The following ADAMTS16 variants were observed in gnomAD, a reference collection of about 807,000 sequenced individuals.
ADAMTS16 encodes the protein A disintegrin and metalloproteinase with thrombospondin motifs 16.
A neutral mutation model predicts 145.8 loss-of-function variants in ADAMTS16; 94 were observed. That is an observed-to-expected ratio of 0.64 (90% CI 0.55 to 0.77). ADAMTS16 has a LOEUF of 0.77. Ranked by LOEUF, ADAMTS16 falls within the 30% of genes least tolerant of loss-of-function variation. The probability of loss-of-function intolerance (pLI) is 0.00; values close to 1 mark genes in which losing one functional copy is unlikely to be tolerated. For synonymous variants in ADAMTS16, 659 were observed against 604.3 expected (o/e 1.09, Z -1.33); for missense variants, 1,585 against 1,591.5 (o/e 1.00, Z 0.07).
At chr5:5,271,471 G>A (rs1359737457) in intron 18 of ADAMTS16, among the ~76,000 whole-genome samples, 1 of 152,262 alleles carries the variant, frequency 6.6e-6, no homozygotes, top group Non-Finnish European at 1.5e-5. Context: ...GCAGCCTACG[G>A]CCCTCCCGCG....
intron 11 of ADAMTS16, 30 bp from the exon 12 acceptor site, chr5:5,232,338 A>G: frequency 6.2e-7 from 1 of 1,613,666 alleles, no homozygotes; most frequent in Non-Finnish European, 8.5e-7. Context: ...TGTGTGAGTC[A>G]AGTCAACTTA....
At chr5:5,142,951 G>A (rs550241419) in intron 2 of ADAMTS16, among the ~76,000 whole-genome samples, 1 of 152,136 alleles carries the variant, frequency 6.6e-6, no homozygotes, top group Non-Finnish European at 1.5e-5. Context: ...AACAAGCAAT[G>A]GGGAAAGGAT....
rs1560952693 is a variant in ADAMTS16, at chr5:5,215,832, ATGTGGTGTG to A, written c.1605+6588_1605+6596del. On this transcript the variant is annotated intron_variant, in intron 10 of 22. Coordinates refer to ENST00000274181, the MANE Select transcript of ADAMTS16 (RefSeq NM_139056.4). ...TGTGGTATATATATGTGGTATATAT[ATGTGGTGTG>A]TATATATATATATATGTGGTGTGTA... Among the ~76,000 whole-genome samples the A allele has an allele frequency of 1.1e-3, 83 of 75,862 alleles. No individual in the cohort carries two copies. In the East Asian group the frequency reaches 0.062, roughly 57 times the overall value. The allele number at this position is 75,862 out of a possible 152,430, so 49.8% of individuals were successfully genotyped here.
At chr5:5,266,582 GTT>G (rs1560977320) in intron 18 of ADAMTS16, among the ~76,000 whole-genome samples, 1 of 152,158 alleles carries the variant, frequency 6.6e-6, no homozygotes, top group African/African-American at 2.4e-5. Context: ...CTTGTTGGTT[GTT>G]TGTTTTCTTT....
intron 17 of ADAMTS16, among the ~76,000 whole-genome samples, chr5:5,261,143 G>T (rs949304751): frequency 6.6e-6 from 1 of 152,128 alleles, no homozygotes; most frequent in Non-Finnish European, 1.5e-5. Context: ...ATCCCCTACT[G>T]CATCAACTCG....
intron 18 of ADAMTS16, among the ~76,000 whole-genome samples, chr5:5,289,221 C>T (rs1237166699): frequency 6.6e-6 from 1 of 152,168 alleles, no homozygotes; most frequent in Non-Finnish European, 1.5e-5. Flanking sequence ...AAGCTTAGTG[C>T]CCTGCCTAGC....
chr5:5,191,101 C>A (rs147285006), intron 7 of ADAMTS16, among the ~76,000 whole-genome samples: 316 of 152,302 alleles, frequency 2.1e-3, no homozygotes, highest in African/African-American at 7.0e-3. Flanking sequence ...TCCTGTGTGA[C>A]TCTGCAGGGC....
rs534388975 is a variant in ADAMTS16 at position 5,170,503 on chromosome 5, C to G, written c.502-11541C>G. ...AAGCGATTCTCCTGCCTCAGCCCCC[C>G]GAGTAGCTGGGATTACAGGCATGCG... is the stretch of plus-strand genomic sequence containing the variant. On this transcript the variant is annotated intron_variant, in intron 3 of 22. Coordinates refer to ENST00000274181, the MANE Select transcript of ADAMTS16 (RefSeq NM_139056.4). Among the ~76,000 whole-genome samples, 225 of 152,156 alleles carry G rather than the reference C, an allele frequency of 1.5e-3. 1 individual carries two copies. The highest frequency in any genetic ancestry group is 5.2e-3 in the African/African-American group (217 of 41,526).
At chr5:5,172,196 A>G (rs1451295984) in intron 3 of ADAMTS16, among the ~76,000 whole-genome samples, 1 of 152,006 alleles carries the variant, frequency 6.6e-6, no homozygotes, top group Non-Finnish European at 1.5e-5. Context: ...TCAAAAAACC[A>G]ACTTTTCGTT....
intron 17 of ADAMTS16, among the ~76,000 whole-genome samples, chr5:5,243,329 T>C (rs2913635): frequency 0.99 from 150,832 of 152,340 alleles, 74,687 homozygotes; most frequent in Middle Eastern, 1. Context: ...ATAGCAAGCA[T>C]GTTGCTCTAA....
chr5:5,233,341 A>G (rs1184079931), intron 12 of ADAMTS16, among the ~76,000 whole-genome samples: 1 of 152,176 alleles, frequency 6.6e-6, no homozygotes, highest in Admixed American at 6.5e-5. Flanking sequence ...AATTTTTTAA[A>G]TTTAACTTTT....
intron 18 of ADAMTS16, among the ~76,000 whole-genome samples, chr5:5,272,522 T>C (rs1204158406): frequency 3.4e-5 from 5 of 149,036 alleles, no homozygotes; most frequent in Admixed American, 3.3e-4. Flanking sequence ...CCACTACGCC[T>C]GGCTAATTTT....
At chr5:5,219,117 C>A (rs1044381024) in intron 10 of ADAMTS16, among the ~76,000 whole-genome samples, 30 of 152,078 alleles carry the variant, frequency 2.0e-4, no homozygotes, top group African/African-American at 6.5e-4. Context: ...AGGGACCCCC[C>A]CTTCTCTACT....
intron 18 of ADAMTS16, among the ~76,000 whole-genome samples, chr5:5,302,947 A>T (rs1472506977): frequency 2.8e-5 from 4 of 142,922 alleles, no homozygotes; most frequent in African/African-American, 9.8e-5. Context: ...TATTTTTTAT[A>T]TGTTTGAAAT....
At chr5:5,149,861 G>A (rs113261578) in intron 3 of ADAMTS16, among the ~76,000 whole-genome samples, 195 of 152,254 alleles carry the variant, frequency 1.3e-3, no homozygotes, top group African/African-American at 4.4e-3. Context: ...ATTCATCCAC[G>A]TTGCAGCACA....
chr5:5,296,852 C>T (rs1286896444), intron 18 of ADAMTS16, among the ~76,000 whole-genome samples: 2 of 152,292 alleles, frequency 1.3e-5, no homozygotes, highest in East Asian at 3.9e-4. Context: ...AGGTTGCCTA[C>T]CCGTGTGTTA....
At chr5:5,210,089 T>A (rs1290634698) in intron 10 of ADAMTS16, among the ~76,000 whole-genome samples, 1 of 152,180 alleles carries the variant, frequency 6.6e-6, no homozygotes, top group South Asian at 2.1e-4. Flanking sequence ...TCTCTTCAGC[T>A]GGGGAGTCCC....
chr5:5,246,424 C>A (rs1462778674), intron 17 of ADAMTS16, among the ~76,000 whole-genome samples: 1 of 152,134 alleles, frequency 6.6e-6, no homozygotes, highest in East Asian at 1.9e-4. Context: ...ATTTCTAGGG[C>A]TTAAGGTTTA....
At chr5:5,267,583 T>G (rs181939249) in intron 18 of ADAMTS16, among the ~76,000 whole-genome samples, 51 of 152,248 alleles carry the variant, frequency 3.3e-4, no homozygotes, top group African/African-American at 1.2e-3. Flanking sequence ...CCTGTCAGCG[T>G]GCCCCTCTGC....
Sources: gnomAD v4.1 joint callset for allele counts (sites outside exome capture counted in the v4.1 genomes callset) on GRCh38, gnomAD v4.1.1 for gene constraint, MANE v1.5 for transcripts, NCBI Gene and HGNC (gene_info 2026-07-23, HGNC 2026-07-21) for gene names.